Variants in CDH4 observed in about 807,000 individuals in gnomAD.
The protein encoded by CDH4 is cadherin-4.
CDH4 carries 33 observed loss-of-function variants against 86.0 expected under a neutral mutation model. The observed-to-expected ratio is 0.38, with a 90% CI of 0.29 to 0.51. The LOEUF (loss-of-function observed/expected upper bound fraction) is 0.51, where lower values mean the gene tolerates loss of function less well. CDH4 is among the 20% of genes least tolerant of loss of function. The pLI is 0.86. For missense variants in CDH4, 1,114 were observed against 1,307.4 expected (o/e 0.85, Z 2.28); for synonymous variants, 555 against 549.4 (o/e 1.01, Z -0.14).
intron 2 of CDH4, among the ~76,000 whole-genome samples, chr20:61,527,292 C>G (rs1328062447): frequency 1.3e-5 from 2 of 152,052 alleles, no homozygotes; most frequent in African/African-American, 4.8e-5. Context: ...ACTCTGTTGC[C>G]CAGGCTGGAG....
At chr20:61,476,047 C>T (rs374640796) in intron 2 of CDH4, among the ~76,000 whole-genome samples, 7 of 152,120 alleles carry the variant, frequency 4.6e-5, no homozygotes, top group African/African-American at 1.2e-4. Context: ...TCCTATTGGA[C>T]GCACAGGAAT....
At position 61,456,726 on chromosome 20, in the gene CDH4, A is replaced by G. The variant is rs530758766; in HGVS notation, c.169+201789A>G. ...ACAGACACGGGAGAGGCAGCTCCAG[A>G]GAGGAGCTCCGTGAGGAAGCTTCCT... On this transcript the variant is annotated intron_variant, in intron 2 of 15. Coordinates refer to ENST00000614565, the MANE Select transcript of CDH4 (RefSeq NM_001794.5). 5.9e-5 allele frequency among the ~76,000 whole-genome samples: 9 copies of G among 152,352 alleles called. No homozygotes were observed. The South Asian group carries it at 1.9e-3, about 32-fold the overall frequency.
At chr20:61,335,601 G>A (rs540975747) in intron 2 of CDH4, among the ~76,000 whole-genome samples, 3 of 152,232 alleles carry the variant, frequency 2.0e-5, no homozygotes, top group African/African-American at 7.2e-5. Context: ...TCAGATTTCC[G>A]TCAAGAAAAT....
intron 2 of CDH4, among the ~76,000 whole-genome samples, chr20:61,627,276 C>A (rs2086837967): frequency 6.6e-6 from 1 of 152,194 alleles, no homozygotes; most frequent in Non-Finnish European, 1.5e-5. Context: ...AGAGTTCCAC[C>A]CAGAACTTCC....
intron 2 of CDH4, among the ~76,000 whole-genome samples, chr20:61,739,810 A>G (rs2088311392): frequency 1.3e-5 from 2 of 152,160 alleles, no homozygotes. Flanking sequence ...GCAGCACAGG[A>G]CTCCAAGCGC....
At chr20:61,764,213 C>T (rs542831545) in intron 3 of CDH4, among the ~76,000 whole-genome samples, 6 of 152,320 alleles carry the variant, frequency 3.9e-5, no homozygotes, top group African/African-American at 1.2e-4. Flanking sequence ...GAGCACAGGC[C>T]GCCGCAGGGT....
At chr20:61,358,546 G>C (rs2084766121) in intron 2 of CDH4, among the ~76,000 whole-genome samples, 1 of 152,168 alleles carries the variant, frequency 6.6e-6, no homozygotes. Context: ...TCTAAATGAG[G>C]ACAATTTAAA....
chr20:61,920,950 A>G (rs1039802001), intron 9 of CDH4, among the ~76,000 whole-genome samples: 2 of 140,248 alleles, frequency 1.4e-5, no homozygotes, highest in African/African-American at 5.5e-5. Flanking sequence ...TGTCACAGTA[A>G]TTGCATGGAA....
At chr20:61,823,545 AC>A (rs1367750698) in intron 4 of CDH4, among the ~76,000 whole-genome samples, 17 of 152,244 alleles carry the variant, frequency 1.1e-4, no homozygotes, top group African/African-American at 3.9e-4. Flanking sequence ...TAGGTGTCAT[AC>A]CCACTTTATA....
chr20:61,697,798 C>T (rs1041833081), intron 2 of CDH4, among the ~76,000 whole-genome samples: 14 of 152,314 alleles, frequency 9.2e-5, no homozygotes, highest in East Asian at 3.9e-4. Context: ...CTCCTCTGTC[C>T]GAGAAGTGCT....
chr20:61,936,993 G>A lies in CDH4; in HGVS notation c.*50G>A, dbSNP rs1483415684. ...GTGAGAGCCGTGCTCGGACGCCGGA[G>A]GAGCAGGACTGAGCAGAGGCGGCCG... On this transcript the variant is annotated 3_prime_UTR_variant, in exon 16 of 16. Coordinates refer to ENST00000614565, the MANE Select transcript of CDH4 (RefSeq NM_001794.5). 1.3e-6 allele frequency: 2 copies of A among 1,488,482 alleles called. No individual in the cohort carries two copies. Among genetic ancestry groups the A allele is most frequent in the Admixed American group, 2.0e-5 (1 of 50,096 alleles). 92.2% of individuals were successfully genotyped at this position (1,488,482 alleles called of 1,614,324 possible). A position where few individuals can be genotyped will look rare whatever the true frequency, so the allele number is the denominator to read the frequency against.
chr20:61,439,653 G>A (rs2085304266), intron 2 of CDH4, among the ~76,000 whole-genome samples: 1 of 152,238 alleles, frequency 6.6e-6, no homozygotes, highest in Non-Finnish European at 1.5e-5. Flanking sequence ...GCTGTGGAAG[G>A]CGGGAACATC....
intron 4 of CDH4, among the ~76,000 whole-genome samples, chr20:61,806,561 A>T (rs951073227): frequency 9.8e-6 from 1 of 102,270 alleles, no homozygotes; most frequent in Admixed American, 9.0e-5. Context: ...ACGCACACAC[A>T]TGTCCACGCG....
intron 4 of CDH4, among the ~76,000 whole-genome samples, chr20:61,792,002 T>C (rs1239697870): frequency 6.6e-6 from 1 of 152,130 alleles, no homozygotes; most frequent in African/African-American, 2.4e-5. Flanking sequence ...AGCCATCTGA[T>C]TGTCCGTCTA....
chr20:61,631,775 C>T (rs528489258), intron 2 of CDH4, among the ~76,000 whole-genome samples: 2 of 152,346 alleles, frequency 1.3e-5, no homozygotes, highest in African/African-American at 4.8e-5. Context: ...TCTGCCACAG[C>T]AGCTTTTGTT....
chr20:61,719,206 CT>C (rs1344974673), intron 2 of CDH4: 1 of 431,048 alleles, frequency 2.3e-6, no homozygotes, highest in Admixed American at 2.7e-5. Context: ...TTTTTTAAGT[CT>C]TGGTAGTTTT....
chr20:61,554,628 T>A (rs1257051880), intron 2 of CDH4, among the ~76,000 whole-genome samples: 2 of 152,242 alleles, frequency 1.3e-5, no homozygotes, highest in African/African-American at 4.8e-5. Flanking sequence ...TCAAAGCGGC[T>A]GCCTGGGAGC....
At chr20:61,283,590 GT>G (rs2084276794) in intron 2 of CDH4, among the ~76,000 whole-genome samples, 1 of 147,886 alleles carries the variant, frequency 6.8e-6, no homozygotes, top group Non-Finnish European at 1.5e-5. Context: ...GTGTGCTGTG[GT>G]GTGTGTGATG....
chr20:61,852,023 C>T lies in CDH4; in HGVS notation c.733-731C>T, dbSNP rs150529715. Among the ~76,000 whole-genome samples the T allele has an allele frequency of 3.5e-4, 53 of 152,370 alleles. No individual in the cohort carries two copies. In the South Asian group the frequency reaches 6.4e-3, roughly 18 times the overall value. ...AAGGGGTGACTCTGAGAAGCTCCTGCGGAACCTTCCAGCCCAGATTCAGCT... is the reference window on the plus strand; with the variant it reads ...AAGGGGTGACTCTGAGAAGCTCCTGTGGAACCTTCCAGCCCAGATTCAGCT... On this transcript the variant is annotated intron_variant, in intron 5 of 15. Transcript: ENST00000614565.
Sources: gnomAD v4.1 joint callset for allele counts (sites outside exome capture counted in the v4.1 genomes callset) on GRCh38, gnomAD v4.1.1 for gene constraint, MANE v1.5 for transcripts, NCBI Gene and HGNC (gene_info 2026-07-23, HGNC 2026-07-21) for gene names.